Variants in TGFB1I1 observed in about 807,000 individuals in gnomAD.
TGFB1I1 encodes the protein transforming growth factor beta-1-induced transcript 1 protein.
A neutral mutation model predicts 52.0 loss-of-function variants in TGFB1I1; 33 were observed. The ratio of observed to expected loss-of-function variants is 0.63; its 90% CI spans 0.48 to 0.85. The LOEUF (loss-of-function observed/expected upper bound fraction) is 0.85, where lower values mean the gene tolerates loss of function less well. TGFB1I1 is among the 40% of genes least tolerant of loss of function. TGFB1I1 has a pLI of 0.00. For missense variants in TGFB1I1, 577 were observed against 614.9 expected (o/e 0.94, Z 0.65); for synonymous variants, 236 against 253.3 (o/e 0.93, Z 0.65).
intron 7 of TGFB1I1, 182 bp from the exon 8 acceptor site, chr16:31,475,830 A>T: frequency 1.5e-6 from 1 of 647,802 alleles, no homozygotes; most frequent in South Asian, 1.9e-5. Context: ...TCAATCCTGG[A>T]GCGCAGCTGG....
At position 31,476,976 on chromosome 16, in the gene TGFB1I1, G is replaced by T. The variant is rs373942027; in HGVS notation, c.1085G>T (p.Ser362Ile). ...CTGGATAACTACATCTCGGCGCTCA[G>T]CGCGCTCTGGCACCCGGACTGTTTC... The part of the protein sequence containing the change: ...PILDNYISAL[S>I]ALWHPDCFVC... Residue 362 changes from serine (S) to isoleucine (I), a missense_variant, in exon 10 of 11, where the codon AGC becomes ATC. This residue lies in a region of TGFB1I1 where 456 missense variants were observed against 461.6 expected (regional missense o/e 0.99). Coordinates refer to ENST00000394863, the MANE Select transcript of TGFB1I1 (RefSeq NM_001042454.3). The surrounding 1 kb of genome is among the most constrained non-coding windows in gnomAD (Gnocchi z 7.6). The T allele has an allele frequency of 2.5e-6, 4 of 1,594,790 alleles. No individual in the cohort carries two copies. The African/African-American group carries it at 4.0e-5, about 16-fold the overall frequency.
At position 31,476,254 on chromosome 16, in the gene TGFB1I1, G is replaced by A. The variant is rs551567023; in HGVS notation, c.888+69G>A. On this transcript the variant is annotated intron_variant, in intron 8 of 10. Transcript: ENST00000394863. This position sits in a 1 kb window ranked among gnomAD's most constrained non-coding sequence, Gnocchi z 7.6. ...GAGAGCTGTGGGACGGGCCTCCACC[G>A]CATGGGTCCCGCCCCACCCGCGATA... 934 of 1,563,754 alleles carry A rather than the reference G, an allele frequency of 6.0e-4. 8 individuals are homozygous for A. The African/African-American group carries it at 0.011, about 19-fold the overall frequency.
At chr16:31,472,454 G>A (rs1300740344) in intron 1 of TGFB1I1, 3 of 584,234 alleles carry the variant, frequency 5.1e-6, no homozygotes, top group African/African-American at 1.9e-5. Flanking sequence ...CGGGAGGTGC[G>A]GCGCCCGCGG....
Position 31,476,939 on chromosome 16 carries a change from C to A in TGFB1I1, c.1048C>A (p.Gln350Lys). Residue 350 changes from glutamine (Q) to lysine (K), a missense_variant, in exon 10 of 11, where the codon CAG (glutamine) becomes AAG (lysine). Physicochemically the swap from Gln to Lys is moderately conservative, Grantham distance 53 (BLOSUM62 1). Coordinates refer to ENST00000394863, the MANE Select transcript of TGFB1I1 (RefSeq NM_001042454.3). This position sits in a 1 kb window ranked among gnomAD's most constrained non-coding sequence, Gnocchi z 7.6. ...QLFAPRCQGCQGPILDNYISA... is the reference protein window; with the variant it reads ...QLFAPRCQGCKGPILDNYISA... ...GTTCGCCCCGCGCTGCCAGGGCTGC[C>A]AGGGCCCCATCCTGGATAACTACAT... 1 of 1,605,944 alleles carries A rather than the reference C, an allele frequency of 6.2e-7. No homozygotes were observed. Among genetic ancestry groups the A allele is most frequent in the Non-Finnish European group, 8.5e-7 (1 of 1,178,826 alleles).
chr16:31,473,204 G>T, intron 1 of TGFB1I1: 1 of 1,338,952 alleles, frequency 7.5e-7, no homozygotes, highest in East Asian at 3.0e-5. Flanking sequence ...AGAGAAGATG[G>T]GGAGAATAAA....
rs1445285199 is a variant in TGFB1I1 at position 31,473,542 on chromosome 16, G to T, written c.115G>T (p.Gly39Cys). Residue 39 changes from glycine (G) to cysteine (C), a missense_variant, in exon 2 of 11, where the codon GGC (glycine) becomes TGC (cysteine). Gly to Cys is a radical substitution (Grantham distance 159). This residue lies in a region of TGFB1I1 where 113 missense variants were observed against 123.9 expected (regional missense o/e 0.91). Transcript: ENST00000394863. ...GCCTCTCACCCCTCCCCCATCCTATGGCCACCAGCCACAGGTGAGATCGGA... is the reference window on the plus strand; with the variant it reads ...GCCTCTCACCCCTCCCCCATCCTATTGCCACCAGCCACAGGTGAGATCGGA... ...AEPLTPPPSY[G>C]HQPQTGSGES... 1.2e-6 allele frequency: 2 copies of T among 1,613,846 alleles called. No homozygotes were observed. The highest frequency in any genetic ancestry group is 3.3e-4 in the Middle Eastern group (2 of 6,062).
rs1394872955 is a variant in TGFB1I1, at chr16:31,476,437, C to T, written c.889-44C>T. ...GGGTTCCGCGCGGGAGAGGAAGGCGCGAAGGCACGGAGGCCGCGCTGAGTG... is the reference window on the plus strand; with the variant it reads ...GGGTTCCGCGCGGGAGAGGAAGGCGTGAAGGCACGGAGGCCGCGCTGAGTG... On this transcript the variant is annotated intron_variant, in intron 8 of 10. Coordinates refer to ENST00000394863, the MANE Select transcript of TGFB1I1 (RefSeq NM_001042454.3). This position sits in a 1 kb window ranked among gnomAD's most constrained non-coding sequence, Gnocchi z 7.6. 1.9e-6 allele frequency: 3 copies of T among 1,578,586 alleles called. No homozygotes were observed. The highest frequency in any genetic ancestry group is 2.6e-6 in the Non-Finnish European group (3 of 1,158,274).
chr16:31,475,922 G>A, intron 7 of TGFB1I1, 90 bp from the exon 8 acceptor site: 1 of 1,368,068 alleles, frequency 7.3e-7, no homozygotes, highest in Non-Finnish European at 1.0e-6. Context: ...TGATCGCTCA[G>A]AGAGGACTCG....
Position 31,476,041 on chromosome 16 carries a change from C to A in TGFB1I1, c.744C>A (p.His248Gln), listed in dbSNP as rs1567383477. ...QVVTALGRAW[H>Q]PEHFVCGGCS... is the part of the protein sequence containing the mutation. ...TGACGGCTCTGGGCCGCGCCTGGCA[C>A]CCCGAGCACTTCGTTTGCGGAGGCT... is the stretch of plus-strand genomic sequence containing the variant. Residue 248 changes from histidine to glutamine, a missense_variant, in exon 8 of 11, where the codon CAC (histidine) becomes CAA (glutamine). Coordinates refer to ENST00000394863, the MANE Select transcript of TGFB1I1 (RefSeq NM_001042454.3). The surrounding 1 kb of genome is among the most constrained non-coding windows in gnomAD (Gnocchi z 7.6). The A allele has an allele frequency of 6.2e-7, 1 of 1,613,388 alleles. No individual in the cohort carries two copies.
Position 31,474,624 on chromosome 16 carries a change from C to T in TGFB1I1, c.581C>T (p.Ser194Phe). ...VVSSTNEGSP[S>F]PPEPTGKGSL... ...AGCTCCACAAATGAGGGCTCCCCAT[C>T]CCCACCAGAGCCGACTGGCAAGGGC... Residue 194 changes from serine to phenylalanine, a missense_variant, in exon 7 of 11, where the codon TCC becomes TTC. Physicochemically the swap from Ser to Phe is radical, Grantham distance 155 (BLOSUM62 -2). Transcript: ENST00000394863. The surrounding 1 kb of genome is among the most constrained non-coding windows in gnomAD (Gnocchi z 4.2). The T allele has an allele frequency of 6.2e-7, 1 of 1,611,966 alleles. No individual in the cohort carries two copies. The highest frequency in any genetic ancestry group is 8.5e-7 in the Non-Finnish European group (1 of 1,178,684).
At chr16:31,473,132 A>G in intron 1 of TGFB1I1, 1 of 1,057,646 alleles carries the variant, frequency 9.5e-7, no homozygotes, top group South Asian at 2.5e-5. Flanking sequence ...GCACTGGGCC[A>G]ATGGAGCAAT....
rs1032407959 is a variant in TGFB1I1, at chr16:31,474,965, T to C, written c.714+208T>C. ...AAATTCCAACCATGTTACCATTTAT[T>C]GTGGTCCTACTGTGTGCCAGGCACT... On this transcript the variant is annotated intron_variant, in intron 7 of 10. Transcript: ENST00000394863. The surrounding 1 kb of genome is among the most constrained non-coding windows in gnomAD (Gnocchi z 4.2). 1.7e-6 allele frequency: 1 copy of C among 594,960 alleles called. No individual in the cohort carries two copies. The highest frequency in any genetic ancestry group is 1.9e-5 in the African/African-American group (1 of 53,722). 36.9% of individuals were successfully genotyped at this position (594,960 alleles called of 1,614,324 possible). A position where few individuals can be genotyped will look rare whatever the true frequency, so the allele number is the denominator to read the frequency against.
At chr16:31,472,351 T>C in intron 1 of TGFB1I1, 150 bp downstream of exon 1, 1 of 1,233,554 alleles carries the variant, frequency 8.1e-7, no homozygotes. Context: ...CACGTCCCCC[T>C]TCCTGCCTCT....
Position 31,474,525 on chromosome 16 carries a change from G to T in TGFB1I1, c.520-38G>T, listed in dbSNP as rs370995677. Reference sequence around the variant, plus strand: ...CCTTCTAGACAATTCCACATCTGCTGCTTTGCTGACTCAATTCTCATGTCC... The same window carrying T: ...CCTTCTAGACAATTCCACATCTGCTTCTTTGCTGACTCAATTCTCATGTCC... On this transcript the variant is annotated intron_variant, in intron 6 of 10. Coordinates refer to ENST00000394863, the MANE Select transcript of TGFB1I1 (RefSeq NM_001042454.3). The surrounding 1 kb of genome is among the most constrained non-coding windows in gnomAD (Gnocchi z 4.2). 3 of 1,611,832 alleles carry T rather than the reference G, an allele frequency of 1.9e-6. No individual in the cohort carries two copies. The African/African-American group carries it at 4.0e-5, about 22-fold the overall frequency.
At chr16:31,475,982 G>A (rs769806994) in intron 7 of TGFB1I1, 30 bp from the exon 8 acceptor site, 4 of 1,600,302 alleles carry the variant, frequency 2.5e-6, no homozygotes, top group Non-Finnish European at 2.6e-6. Flanking sequence ...TGTCAGAGCC[G>A]CTCTGACCCG....
chr16:31,476,588 T>C lies in TGFB1I1; in HGVS notation c.970+26T>C. Reference sequence around the variant, plus strand: ...GTGAGAGTGAACTCGACTCCCATCTTAAAAGCTGCGGGTCCCCTCGACGTC... The same window carrying C: ...GTGAGAGTGAACTCGACTCCCATCTCAAAAGCTGCGGGTCCCCTCGACGTC... On this transcript the variant is annotated intron_variant, in intron 9 of 10. Transcript: ENST00000394863. This position sits in a 1 kb window ranked among gnomAD's most constrained non-coding sequence, Gnocchi z 7.6. The C allele has an allele frequency of 6.2e-7, 1 of 1,603,880 alleles. No individual in the cohort carries two copies. The highest frequency in any genetic ancestry group is 1.1e-5 in the South Asian group (1 of 89,146).
intron 1 of TGFB1I1, chr16:31,472,517 G>C (rs893206329): frequency 3.3e-5 from 11 of 329,082 alleles, no homozygotes; most frequent in Non-Finnish European, 5.4e-5. Context: ...CCTCGGCCCG[G>C]GGACCGGGAA....
chr16:31,476,149 G>C lies in TGFB1I1; in HGVS notation c.852G>C (p.Ser284=), dbSNP rs2082422028. ...FCPECYFERF[S]PRCGFCNQPI... ...CCGAGTGCTACTTTGAGCGCTTCTC[G>C]CCAAGATGTGGCTTCTGCAACCAGC... The change falls in exon 8 of 11, where the codon TCG becomes TCC. Residue 284 remains serine (S), a synonymous_variant. Transcript: ENST00000394863. The surrounding 1 kb of genome is among the most constrained non-coding windows in gnomAD (Gnocchi z 7.6). 1 of 1,613,324 alleles carries C rather than the reference G, an allele frequency of 6.2e-7. No individual in the cohort carries two copies. The highest frequency in any genetic ancestry group is 8.5e-7 in the Non-Finnish European group (1 of 1,179,958).
chr16:31,477,389 G>C lies in TGFB1I1; in HGVS notation c.1199G>C (p.Arg400Pro), dbSNP rs1242535673. 4.3e-6 allele frequency: 7 copies of C among 1,611,118 alleles called. No individual in the cohort carries two copies. In the Admixed American group the frequency reaches 1.2e-4, roughly 27 times the overall value. The change falls in exon 11 of 11, where the codon CGA (arginine) becomes CCA (proline). Residue 400 changes from arginine (R) to proline (P), a missense_variant. Arg to Pro is a moderately radical substitution (Grantham distance 103). Coordinates refer to ENST00000394863, the MANE Select transcript of TGFB1I1 (RefSeq NM_001042454.3). The surrounding 1 kb of genome is among the most constrained non-coding windows in gnomAD (Gnocchi z 4.7). Reference protein sequence around the residue: ...RPLCENHFHARRGSLCATCGL... With the variant: ...RPLCENHFHAPRGSLCATCGL... Reference sequence around the variant, plus strand: ...TTGTGCGAGAACCACTTCCACGCACGACGCGGCTCGCTGTGCGCCACGTGT... The same window carrying C: ...TTGTGCGAGAACCACTTCCACGCACCACGCGGCTCGCTGTGCGCCACGTGT...
Sources: gnomAD v4.1 joint callset for allele counts on GRCh38, gnomAD v4.1.1 for gene constraint, gnomAD v4.1.1 regional missense constraint, Gnocchi (gnomAD v3.1) non-coding constraint, MANE v1.5 for transcripts, NCBI Gene and HGNC (gene_info 2026-07-23, HGNC 2026-07-21) for gene names.